Variants in DPYD observed in about 807,000 individuals in gnomAD.
DPYD encodes the protein dihydropyrimidine dehydrogenase.
Under a neutral mutation model 116.2 loss-of-function variants are expected in DPYD, and 109 were observed. The observed-to-expected ratio is 0.94, with a 90% CI of 0.80 to 1.10. DPYD has a LOEUF of 1.10. Among genes scored for constraint, DPYD ranks in the 50% least tolerant of loss-of-function variants. The pLI is 0.00. For synonymous variants in DPYD, 440 were observed against 432.0 expected, an observed-to-expected ratio of 1.02 and a Z score of -0.23; for missense variants, 1,302 against 1,254.5, an observed-to-expected ratio of 1.04 and a Z score of -0.57.
intron 20 of DPYD, among the ~76,000 whole-genome samples, chr1:97,100,932 C>G (rs961331833): frequency 2.0e-5 from 3 of 151,992 alleles, no homozygotes; most frequent in Non-Finnish European, 4.4e-5. Flanking sequence ...ACACAGCCTT[C>G]CCCTGGCTAA....
intron 19 of DPYD, among the ~76,000 whole-genome samples, chr1:97,224,907 T>C (rs569148068): frequency 5.9e-5 from 9 of 152,116 alleles, no homozygotes; most frequent in Non-Finnish European, 1.2e-4. Context: ...CATTCATCTA[T>C]TGATAGACAC....
chr1:97,604,168 G>A (rs1437115446), intron 8 of DPYD, among the ~76,000 whole-genome samples: 1 of 152,140 alleles, frequency 6.6e-6, no homozygotes, highest in African/African-American at 2.4e-5. Flanking sequence ...AAACGATGGA[G>A]AGCTGCTCAG....
intron 13 of DPYD, among the ~76,000 whole-genome samples, chr1:97,462,365 TAAC>T (rs1677077773): frequency 6.6e-6 from 1 of 152,214 alleles, no homozygotes; most frequent in Non-Finnish European, 1.5e-5. Context: ...TTAAATTACT[TAAC>T]AAATTAATCA....
At chr1:97,250,899 C>T (rs1557972700) in intron 18 of DPYD, among the ~76,000 whole-genome samples, 1 of 152,050 alleles carries the variant, frequency 6.6e-6, no homozygotes, top group African/African-American at 2.4e-5. Flanking sequence ...GAACATATAT[C>T]ATATCTGTGT....
intron 1 of DPYD, among the ~76,000 whole-genome samples, chr1:97,916,262 G>A (rs1025947742): frequency 6.6e-6 from 1 of 151,996 alleles, no homozygotes; most frequent in Non-Finnish European, 1.5e-5. Flanking sequence ...ATATACATGT[G>A]CCATGTTGGT....
chr1:97,743,448 C>T lies in DPYD; in HGVS notation c.234-2969G>A, dbSNP rs138027164. On this transcript the variant is annotated intron_variant, in intron 3 of 22. Coordinates refer to ENST00000370192, the MANE Select transcript of DPYD (RefSeq NM_000110.4). ...AAATATCAACCACTGCACTGGAATG[C>T]ATACTGGTGAGATGTTTTATTAAAC... is the stretch of plus-strand genomic sequence containing the variant. Among the ~76,000 whole-genome samples the T allele has an allele frequency of 2.3e-3, 351 of 152,210 alleles. 4 individuals carry two copies. The highest frequency in any genetic ancestry group is 8.1e-3 in the African/African-American group (337 of 41,560).
At chr1:97,483,819 A>C (rs4495745) in intron 13 of DPYD, among the ~76,000 whole-genome samples, 126,786 of 151,824 alleles carry the variant, frequency 0.84, 53,298 homozygotes, top group Non-Finnish European at 0.89. Context: ...AAGGACACAG[A>C]AAGAAGGCCC....
chr1:97,845,527 G>A (rs990941854), intron 2 of DPYD, among the ~76,000 whole-genome samples: 2 of 152,184 alleles, frequency 1.3e-5, no homozygotes, highest in African/African-American at 4.8e-5. Context: ...GGTCTCTCGA[G>A]TACTGTTCTG....
intron 5 of DPYD, among the ~76,000 whole-genome samples, chr1:97,715,306 T>G (rs1662551132): frequency 6.6e-6 from 1 of 152,146 alleles, no homozygotes; most frequent in Non-Finnish European, 1.5e-5. Flanking sequence ...CACTAAGGTC[T>G]AATCACCTCC....
At chr1:97,313,649 C>G (rs1667647568) in intron 16 of DPYD, among the ~76,000 whole-genome samples, 1 of 151,698 alleles carries the variant, frequency 6.6e-6, no homozygotes, top group Non-Finnish European at 1.5e-5. Context: ...CTCTTTCTAC[C>G]TGGAATGCCC....
intron 13 of DPYD, among the ~76,000 whole-genome samples, chr1:97,483,180 C>G (rs901183013): frequency 1.1e-4 from 16 of 152,180 alleles, no homozygotes; most frequent in South Asian, 4.1e-4. Context: ...TCTTGGTTAC[C>G]TGATCCCAGA....
Position 97,193,107 on chromosome 1 carries a change from C to A in DPYD, c.2584G>T (p.Gly862Trp). The A allele has an allele frequency of 1.2e-6, 2 of 1,614,002 alleles. No individual in the cohort carries two copies. Among genetic ancestry groups the A allele is most frequent in the Non-Finnish European group, 1.7e-6 (2 of 1,179,940 alleles). Reference sequence around the variant, plus strand: ...TCAGCTATACGTGGAACTGGTTTCCCTTTCTGGTGACTCACAGTAGCTGGA... The same window carrying A: ...TCAGCTATACGTGGAACTGGTTTCCATTTCTGGTGACTCACAGTAGCTGGA... ...QSPATVSHQK[G>W]KPVPRIAELM... The change falls in exon 20 of 23, where the codon GGG becomes TGG. Residue 862 changes from glycine to tryptophan, a missense_variant. Transcript: ENST00000370192.
chr1:97,859,741 C>T (rs1367527210), intron 2 of DPYD, among the ~76,000 whole-genome samples: 1 of 151,932 alleles, frequency 6.6e-6, no homozygotes, highest in African/African-American at 2.4e-5. Context: ...GTATGCAAAA[C>T]CTTTCTTTTA....
chr1:97,243,115 A>G (rs115834535), intron 18 of DPYD, among the ~76,000 whole-genome samples: 1 of 151,962 alleles, frequency 6.6e-6, no homozygotes, highest in African/African-American at 2.4e-5. Context: ...GCAAGATGCA[A>G]CAGAAAGACT....
At chr1:97,372,238 G>C (rs1342727717) in intron 16 of DPYD, among the ~76,000 whole-genome samples, 1 of 152,160 alleles carries the variant, frequency 6.6e-6, no homozygotes, top group Non-Finnish European at 1.5e-5. Flanking sequence ...AAATACTTCG[G>C]TTCTGAGATT....
intron 11 of DPYD, among the ~76,000 whole-genome samples, chr1:97,572,942 G>A (rs1304391032): frequency 6.6e-6 from 1 of 151,962 alleles, no homozygotes; most frequent in Non-Finnish European, 1.5e-5. Flanking sequence ...GAATCATCAG[G>A]TTTAGAGAGA....
intron 3 of DPYD, among the ~76,000 whole-genome samples, chr1:97,815,566 G>T (rs534283739): frequency 2.0e-4 from 31 of 152,264 alleles, no homozygotes; most frequent in African/African-American, 7.2e-4. Flanking sequence ...TACAGATTTG[G>T]CAACACAGAG....
chr1:97,747,584 C>G (rs995852642), intron 3 of DPYD, among the ~76,000 whole-genome samples: 2 of 152,080 alleles, frequency 1.3e-5, no homozygotes, highest in Non-Finnish European at 2.9e-5. Flanking sequence ...GGACAGGATG[C>G]TTTATAGAAT....
Position 97,561,037 on chromosome 1 carries a change from G to A in DPYD, c.1340-11293C>T, listed in dbSNP as rs531994876. Among the ~76,000 whole-genome samples the A allele has an allele frequency of 2.4e-4, 37 of 152,304 alleles. No homozygotes were observed. The South Asian group carries it at 4.4e-3, about 18-fold the overall frequency. On this transcript the variant is annotated intron_variant, in intron 11 of 22. Coordinates refer to ENST00000370192, the MANE Select transcript of DPYD (RefSeq NM_000110.4). ...GACAAGAGAGGAAGTCTGAGAAATA[G>A]GCAGGGGCCAAACCAAGGAGTGTGT...
Sources: gnomAD v4.1 joint callset for allele counts (sites outside exome capture counted in the v4.1 genomes callset) on GRCh38, gnomAD v4.1.1 for gene constraint, MANE v1.5 for transcripts, NCBI Gene and HGNC (gene_info 2026-07-23, HGNC 2026-07-21) for gene names.